Variants in FSTL4 observed in about 807,000 individuals in gnomAD.
FSTL4 encodes the protein follistatin-related protein 4.
FSTL4 carries 28 observed loss-of-function variants against 78.2 expected under a neutral mutation model. The observed-to-expected ratio is 0.36, with a 90% CI of 0.27 to 0.49. The LOEUF (loss-of-function observed/expected upper bound fraction) is 0.49, where lower values mean the gene tolerates loss of function less well. Among genes scored for constraint, FSTL4 ranks in the 20% least tolerant of loss-of-function variants. The probability of loss-of-function intolerance (pLI) is 0.98; values close to 1 mark genes in which losing one functional copy is unlikely to be tolerated. For missense variants in FSTL4, 922 were observed against 1,084.9 expected, an observed-to-expected ratio of 0.85 and a Z score of 2.11; for synonymous variants, 422 against 440.5, an observed-to-expected ratio of 0.96 and a Z score of 0.53.
intron 3 of FSTL4, among the ~76,000 whole-genome samples, chr5:133,491,719 A>G (rs1758270995): frequency 6.6e-6 from 1 of 152,050 alleles, no homozygotes; most frequent in Non-Finnish European, 1.5e-5. Flanking sequence ...TTCTTTTAGT[A>G]TTTGTTAGCA....
chr5:133,681,622 C>T, the FSTL4 span, among the ~76,000 whole-genome samples: 1 of 152,114 alleles, frequency 6.6e-6, no homozygotes, highest in Admixed American at 6.5e-5. Context: ...ACTTGACTTG[C>T]ATGTTTCTGG....
chr5:133,801,826 C>A, the FSTL4 span, among the ~76,000 whole-genome samples: 1 of 152,332 alleles, frequency 6.6e-6, no homozygotes, highest in East Asian at 1.9e-4. Flanking sequence ...TACTCCCAGG[C>A]GAGCTGGAGG....
At chr5:133,372,245 C>CTATGTATGTATGTATGTATGTATG (rs1554108980) in intron 4 of FSTL4, among the ~76,000 whole-genome samples, 20 of 140,116 alleles carry the variant, frequency 1.4e-4, no homozygotes, top group East Asian at 2.2e-4. Context: ...ATCTATGTAT[C>CTATGTATGTATGTATGTATGTATG]TATGTATGTA....
At chr5:133,728,348 T>G in the FSTL4 span, among the ~76,000 whole-genome samples, 1 of 152,192 alleles carries the variant, frequency 6.6e-6, no homozygotes. Context: ...TGTATCCCAG[T>G]CAGCACCTCT....
intron 6 of FSTL4, among the ~76,000 whole-genome samples, chr5:133,305,102 TA>T (rs943466686): frequency 2.6e-5 from 4 of 152,174 alleles, no homozygotes; most frequent in Admixed American, 2.0e-4. Flanking sequence ...TAGGAGGTCT[TA>T]AATAACAGCT....
intron 4 of FSTL4, among the ~76,000 whole-genome samples, chr5:133,376,858 C>A (rs1472027033): frequency 6.9e-6 from 1 of 144,182 alleles, no homozygotes; most frequent in Non-Finnish European, 1.5e-5. Context: ...CATTGCACTC[C>A]AGCCTGAGAG....
intron 3 of FSTL4, among the ~76,000 whole-genome samples, chr5:133,526,057 G>A (rs1169175875): frequency 6.6e-6 from 1 of 152,146 alleles, no homozygotes; most frequent in African/African-American, 2.4e-5. Context: ...CACACTGAGG[G>A]CCCTGAGGAA....
At chr5:133,775,585 T>C in the FSTL4 span, among the ~76,000 whole-genome samples, 1 of 152,146 alleles carries the variant, frequency 6.6e-6, no homozygotes, top group Admixed American at 6.5e-5. Context: ...TGGAAGTACA[T>C]AGCGGAACTC....
At chr5:133,707,739 G>A in the FSTL4 span, among the ~76,000 whole-genome samples, 2 of 152,094 alleles carry the variant, frequency 1.3e-5, no homozygotes, top group Non-Finnish European at 2.9e-5. Context: ...GCCCCATAGG[G>A]TACCCTGTGG....
chr5:133,675,552 G>A, the FSTL4 span, among the ~76,000 whole-genome samples: 2 of 152,160 alleles, frequency 1.3e-5, no homozygotes, highest in African/African-American at 2.4e-5. Flanking sequence ...GAGAGAATCC[G>A]CTGTGTCAAC....
intron 6 of FSTL4, among the ~76,000 whole-genome samples, chr5:133,288,909 A>T (rs927189027): frequency 6.6e-6 from 1 of 152,146 alleles, no homozygotes; most frequent in African/African-American, 2.4e-5. Context: ...CTTTCTACAA[A>T]GACTGAGGTG....
the FSTL4 span, among the ~76,000 whole-genome samples, chr5:133,779,418 C>A: frequency 2.6e-5 from 4 of 152,102 alleles, no homozygotes; most frequent in Non-Finnish European, 5.9e-5. Context: ...AACCCCATTT[C>A]TACTAAAAAT....
At chr5:133,618,695 A>G in the FSTL4 span, among the ~76,000 whole-genome samples, 1 of 152,332 alleles carries the variant, frequency 6.6e-6, no homozygotes, top group East Asian at 1.9e-4. Context: ...AAGCTCAAAG[A>G]AGTTACCCAG....
chr5:133,640,389 C>T, the FSTL4 span, among the ~76,000 whole-genome samples: 1 of 152,192 alleles, frequency 6.6e-6, no homozygotes, highest in Non-Finnish European at 1.5e-5. Context: ...CTTTGGTGAG[C>T]TGCCCTACCG....
At chr5:133,696,516 T>C in the FSTL4 span, among the ~76,000 whole-genome samples, 1 of 152,234 alleles carries the variant, frequency 6.6e-6, no homozygotes, top group Non-Finnish European at 1.5e-5. Flanking sequence ...TCCTCTGGCA[T>C]GTCGTATCTC....
At chr5:133,545,754 A>G (rs2112923394) in intron 3 of FSTL4, among the ~76,000 whole-genome samples, 1 of 152,356 alleles carries the variant, frequency 6.6e-6, no homozygotes, top group Non-Finnish European at 1.5e-5. Flanking sequence ...TGCTAGAAAA[A>G]GCCTATATTG....
chr5:133,807,078 C>G, the FSTL4 span, among the ~76,000 whole-genome samples: 4 of 152,212 alleles, frequency 2.6e-5, no homozygotes, highest in Non-Finnish European at 5.9e-5. Context: ...CTCAAAGTTC[C>G]TCCTTACAAC....
At chr5:133,367,642 C>T (rs1241422323) in intron 4 of FSTL4, among the ~76,000 whole-genome samples, 3 of 152,206 alleles carry the variant, frequency 2.0e-5, no homozygotes, top group Non-Finnish European at 4.4e-5. Context: ...CACGCTCTCT[C>T]TCCTTGGCTC....
At position 133,334,579 on chromosome 5, in the gene FSTL4, C is replaced by G. The variant is rs114255322; in HGVS notation, c.410-17927G>C. Reference sequence around the variant, plus strand: ...CTGTGGAAGTTCACTGAGCTATACACTTATGACTTATTCATTTTCTCTCTG... The same window carrying G: ...CTGTGGAAGTTCACTGAGCTATACAGTTATGACTTATTCATTTTCTCTCTG... On this transcript the variant is annotated intron_variant, in intron 4 of 15. Transcript: ENST00000265342. Among the ~76,000 whole-genome samples the G allele has an allele frequency of 4.3e-3, 657 of 152,276 alleles. 6 individuals are homozygous for G. Among genetic ancestry groups the G allele is most frequent in the African/African-American group, 0.015 (627 of 41,550 alleles).
Sources: gnomAD v4.1 joint callset for allele counts (sites outside exome capture counted in the v4.1 genomes callset) on GRCh38, gnomAD v4.1.1 for gene constraint, MANE v1.5 for transcripts, NCBI Gene and HGNC (gene_info 2026-07-23, HGNC 2026-07-21) for gene names.